CCDC73: variants seen among roughly 807,000 people sequenced by gnomAD.
CCDC73 encodes the protein coiled-coil domain containing 73, also known as coiled-coil domain-containing protein 73.
CCDC73 carries 95 observed loss-of-function variants against 116.5 expected under a neutral mutation model. The ratio of observed to expected loss-of-function variants is 0.82; its 90% CI spans 0.69 to 0.97. The LOEUF is 0.97. Ranked by LOEUF, CCDC73 falls within the 50% of genes least tolerant of loss-of-function variation. The probability of loss-of-function intolerance (pLI) is 0.00; values close to 1 mark genes in which losing one functional copy is unlikely to be tolerated. For synonymous variants in CCDC73, 398 were observed against 401.3 expected (o/e 0.99, Z 0.10); for missense variants, 1,066 against 1,206.8 (o/e 0.88, Z 1.73).
chr11:32,686,017 G>T (rs1330284276), intron 6 of CCDC73, among the ~76,000 whole-genome samples: 1 of 151,802 alleles, frequency 6.6e-6, no homozygotes, highest in Non-Finnish European at 1.5e-5. Flanking sequence ...ACCGCGCCAG[G>T]CCCTGACTTA....
chr11:32,617,733 T>C (rs981428245), intron 14 of CCDC73, among the ~76,000 whole-genome samples: 7 of 152,200 alleles, frequency 4.6e-5, no homozygotes, highest in African/African-American at 1.7e-4. Flanking sequence ...GTGGATGTCA[T>C]TCCTTGAGCG....
Position 32,607,362 on chromosome 11 carries a change from G to A in CCDC73, c.3030+3770C>T, listed in dbSNP as rs1855368313. 3.9e-5 allele frequency among the ~76,000 whole-genome samples: 6 copies of A among 151,992 alleles called. No individual in the cohort carries two copies. In the South Asian group the frequency reaches 1.2e-3, roughly 32 times the overall value. ...CCGCCTCGGCCTCCCAAAGTGCTGG[G>A]ATTACAGGCGTGAGCCACCGCGCCC... is the stretch of plus-strand genomic sequence containing the variant. On this transcript the variant is annotated intron_variant, in intron 17 of 17. Transcript: ENST00000335185.
the CCDC73 span, among the ~76,000 whole-genome samples, chr11:32,817,192 A>T: frequency 6.6e-6 from 1 of 152,236 alleles, no homozygotes; most frequent in Admixed American, 6.5e-5. Flanking sequence ...CCAGTATCTG[A>T]GCTACATTTG....
chr11:32,675,375 T>C (rs1325322461), intron 9 of CCDC73, among the ~76,000 whole-genome samples, 190 bp downstream of exon 9: 2 of 152,176 alleles, frequency 1.3e-5, no homozygotes, highest in Non-Finnish European at 2.9e-5. Flanking sequence ...AAAGAAATAA[T>C]ATTTTGAATG....
At chr11:32,673,487 T>C (rs1373330836) in intron 9 of CCDC73, among the ~76,000 whole-genome samples, 1 of 152,142 alleles carries the variant, frequency 6.6e-6, no homozygotes, top group Non-Finnish European at 1.5e-5. Context: ...CTTTTAAAAA[T>C]AGGATCCTTT....
At chr11:32,786,211 G>T (rs906362776) in intron 1 of CCDC73, among the ~76,000 whole-genome samples, 5 of 151,272 alleles carry the variant, frequency 3.3e-5, no homozygotes, top group African/African-American at 1.2e-4. Flanking sequence ...CATATAGAAG[G>T]GTTGCCATTA....
intron 14 of CCDC73, among the ~76,000 whole-genome samples, 180 bp downstream of exon 14, chr11:32,635,516 T>A (rs1855669206): frequency 6.6e-6 from 1 of 152,144 alleles, no homozygotes; most frequent in African/African-American, 2.4e-5. Context: ...TATAAAAAAA[T>A]GACCTTCAAT....
chr11:32,746,038 T>C (rs1456413635), intron 2 of CCDC73, among the ~76,000 whole-genome samples: 1 of 152,244 alleles, frequency 6.6e-6, no homozygotes, highest in African/African-American at 2.4e-5. Flanking sequence ...CTTTACAATT[T>C]GGCATGTTTT....
At chr11:32,655,972 G>C (rs924901745) in intron 9 of CCDC73, among the ~76,000 whole-genome samples, 2 of 152,094 alleles carry the variant, frequency 1.3e-5, no homozygotes, top group African/African-American at 4.8e-5. Flanking sequence ...AAATACTCAA[G>C]AATCTGATTT....
chr11:32,711,306 A>G lies in CCDC73; in HGVS notation c.207+6770T>C, dbSNP rs142220543. Among the ~76,000 whole-genome samples, 1,088 of 152,292 alleles carry G rather than the reference A, an allele frequency of 7.1e-3. 17 individuals are homozygous for G. Among genetic ancestry groups the G allele is most frequent in the African/African-American group, 0.025 (1,049 of 41,556 alleles). ...CACTACTAGGTTTCAACCCAGAGGA[A>G]AAGAAGTCATTATACCAAAAAAATA... On this transcript the variant is annotated intron_variant, in intron 3 of 17. Transcript: ENST00000335185.
At chr11:32,804,836 GAGTATTT>G in the CCDC73 span, among the ~76,000 whole-genome samples, 2 of 152,172 alleles carry the variant, frequency 1.3e-5, no homozygotes, top group African/African-American at 4.8e-5. Flanking sequence ...ATTCTTCATT[GAGTATTT>G]ACATTAAAAA....
the CCDC73 span, among the ~76,000 whole-genome samples, chr11:32,812,559 C>T: frequency 1.3e-5 from 2 of 151,946 alleles, no homozygotes; most frequent in Non-Finnish European, 2.9e-5. Context: ...ATCCCAGCTA[C>T]TCGGGAGGCT....
chr11:32,810,864 C>T, the CCDC73 span, among the ~76,000 whole-genome samples: 1 of 152,138 alleles, frequency 6.6e-6, no homozygotes, highest in African/African-American at 2.4e-5. Context: ...GGCACAGTGG[C>T]TCACACTTAT....
upstream of CCDC73, among the ~76,000 whole-genome samples, chr11:32,797,274 T>G (rs1303082710): frequency 1.3e-5 from 2 of 152,132 alleles, no homozygotes; most frequent in African/African-American, 4.8e-5. Flanking sequence ...ATTGCACTAC[T>G]GCACTCCAGC....
At chr11:32,754,437 T>C (rs1027448280) in intron 2 of CCDC73, among the ~76,000 whole-genome samples, 1 of 152,120 alleles carries the variant, frequency 6.6e-6, no homozygotes, top group African/African-American at 2.4e-5. Context: ...CAATATGCTG[T>C]CTATTTGGGG....
At chr11:32,718,245 A>G (rs1327301799) in intron 2 of CCDC73, 98 bp from the exon 3 acceptor site, 1 of 708,354 alleles carries the variant, frequency 1.4e-6, no homozygotes, top group Non-Finnish European at 2.3e-6. Flanking sequence ...GCATACTCCC[A>G]CCTTTACAAC....
chr11:32,636,037 G>T (rs914164736), intron 13 of CCDC73, among the ~76,000 whole-genome samples: 1 of 152,116 alleles, frequency 6.6e-6, no homozygotes, highest in East Asian at 1.9e-4. Flanking sequence ...ACCCTATGAG[G>T]TATTATTATG....
chr11:32,613,677 TTCTGTTTACTAAA>T lies in CCDC73; in HGVS notation c.2628_2640del (p.Asp876GlufsTer23). The T allele has an allele frequency of 6.2e-7, 1 of 1,614,144 alleles. No individual in the cohort carries two copies. Among genetic ancestry groups the T allele is most frequent in the Non-Finnish European group, 8.5e-7 (1 of 1,179,994 alleles). On this transcript the variant is annotated frameshift_variant, in exon 16 of 18. Coordinates refer to ENST00000335185, the MANE Select transcript of CCDC73 (RefSeq NM_001008391.4). LOFTEE classifies it high-confidence loss of function. The stretch of plus-strand genomic sequence containing the variant: ...GAAAGATCAAAGGTTGACCTTCCGC[TTCTGTTTACTAAA>T]TCTCCAGATGGCTCTATGTGAAATG...
intron 9 of CCDC73, among the ~76,000 whole-genome samples, chr11:32,657,889 A>G (rs1405437607): frequency 6.6e-6 from 1 of 151,990 alleles, no homozygotes; most frequent in Non-Finnish European, 1.5e-5. Flanking sequence ...GGTCCTAGCT[A>G]CTCAGGAAGC....
Sources: allele counts gnomAD v4.1 joint callset (sites outside exome capture counted in the v4.1 genomes callset), GRCh38; gene constraint gnomAD v4.1.1; transcripts MANE v1.5; gene names NCBI Gene and HGNC (gene_info 2026-07-23, HGNC 2026-07-21).